The following TRIM36 variants were observed in gnomAD, a reference collection of about 807,000 sequenced individuals.
The protein encoded by TRIM36 is E3 ubiquitin-protein ligase TRIM36.
In TRIM36, 42 loss-of-function variants were observed where a neutral mutation model predicts 72.4. The ratio of observed to expected loss-of-function variants is 0.58; its 90% confidence interval spans 0.45 to 0.75. The LOEUF (loss-of-function observed/expected upper bound fraction) is 0.75. Ranked by LOEUF, TRIM36 falls within the 30% of genes least tolerant of loss-of-function variation. The pLI is 0.00. For missense variants in TRIM36, 913 were observed against 857.1 expected (o/e 1.07, Z -0.81); for synonymous variants, 315 against 282.8 (o/e 1.11, Z -1.14).
At position 115,169,908 on chromosome 5, in the gene TRIM36, C is replaced by G; in HGVS notation, c.-274G>C. 3.1e-6 allele frequency: 4 copies of G among 1,283,930 alleles called. No homozygotes were observed. Among genetic ancestry groups the G allele is most frequent in the Non-Finnish European group, 3.9e-6 (4 of 1,013,862 alleles). The allele number at this position is 1,283,930 out of a possible 1,614,324, so 79.5% of individuals were successfully genotyped here. A position where few individuals can be genotyped will look rare whatever the true frequency, so the allele number is the denominator to read the frequency against. On this transcript the variant is annotated 5_prime_UTR_variant, in exon 1 of 10. Coordinates refer to ENST00000513154, the MANE Select transcript of TRIM36 (RefSeq NM_001300759.2). ...CTGCAGCAGCGGCTCCTGCGGACTGCGGCTGGGAACGGCGCCGCGCAGAGA... is the reference window on the plus strand; with the variant it reads ...CTGCAGCAGCGGCTCCTGCGGACTGGGGCTGGGAACGGCGCCGCGCAGAGA...
intron 2 of TRIM36, among the ~76,000 whole-genome samples, chr5:115,157,902 G>A (rs1444705181): frequency 2.6e-5 from 4 of 152,158 alleles, no homozygotes; most frequent in Non-Finnish European, 5.9e-5. Flanking sequence ...TCATAAGTGG[G>A]AGCTAAGCTA....
intron 1 of TRIM36, 84 bp from the exon 2 acceptor site, chr5:115,163,836 T>A (rs561827193): frequency 1.1e-4 from 109 of 1,033,354 alleles, no homozygotes; most frequent in Non-Finnish European, 1.5e-4. Context: ...AGTACATGTG[T>A]TTATTTTTCC....
At chr5:115,172,004 G>A (rs3792863), upstream of TRIM36, among the ~76,000 whole-genome samples, 48,584 of 151,950 alleles carry the variant, frequency 0.32, 8,098 homozygotes, top group African/African-American at 0.42. Context: ...GACTTTCTAA[G>A]CCTAATTCTT....
At chr5:115,137,310 G>C in intron 6 of TRIM36, 53 bp downstream of exon 6, 2 of 1,555,734 alleles carry the variant, frequency 1.3e-6, no homozygotes, top group Non-Finnish European at 1.7e-6. Flanking sequence ...ATACACAGCA[G>C]CATTTAATAA....
At position 115,163,543 on chromosome 5, in the gene TRIM36, A is replaced by G. The variant is rs1754598064; in HGVS notation, c.237T>C (p.Asp79=). The change falls in exon 2 of 10, where the codon GAT becomes GAC. Residue 79 remains aspartate (D), a synonymous_variant. Coordinates refer to ENST00000513154, the MANE Select transcript of TRIM36 (RefSeq NM_001300759.2). ...CTGGTCTGTTAATTCGGTCAATTTTATCCATACTAGGGGAGGGGAGCCGAA... is the reference window on the plus strand; with the variant it reads ...CTGGTCTGTTAATTCGGTCAATTTTGTCCATACTAGGGGAGGGGAGCCGAA... ...PRLRLPSPSM[D]KIDRINRPGW... The G allele has an allele frequency of 1.2e-6, 2 of 1,614,158 alleles. No individual in the cohort carries two copies. The highest frequency in any genetic ancestry group is 1.7e-6 in the Non-Finnish European group (2 of 1,180,028).
At position 115,152,160 on chromosome 5, in the gene TRIM36, T is replaced by C. The variant is rs115441281; in HGVS notation, c.263-4766A>G. 6.6e-3 allele frequency among the ~76,000 whole-genome samples: 1,010 copies of C among 152,152 alleles called. 19 individuals are homozygous for C. Among genetic ancestry groups the C allele is most frequent in the African/African-American group, 0.022 (902 of 41,510 alleles). On this transcript the variant is annotated intron_variant, in intron 2 of 9. Transcript: ENST00000513154. The stretch of plus-strand genomic sequence containing the variant: ...AGGAAGAAATGTTCAAGGAAATAGA[T>C]AGCATAAATAAAAAACAATGAAAAC...
At chr5:115,175,125 T>C (rs1755276559) in intron 1 of TRIM36, among the ~76,000 whole-genome samples, 1 of 151,432 alleles carries the variant, frequency 6.6e-6, no homozygotes, top group East Asian at 1.9e-4. Flanking sequence ...TTTTAGTATA[T>C]GTTCCAAATA....
intron 5 of TRIM36, among the ~76,000 whole-genome samples, chr5:115,138,119 A>G (rs1753062134): frequency 6.6e-6 from 1 of 152,140 alleles, no homozygotes; most frequent in African/African-American, 2.4e-5. Context: ...TGTTTTTTTG[A>G]GACAGAGTCT....
At chr5:115,172,247 A>T (rs541024983), upstream of TRIM36, among the ~76,000 whole-genome samples, 6 of 152,276 alleles carry the variant, frequency 3.9e-5, no homozygotes, top group African/African-American at 1.4e-4. Context: ...CCTATCAAAA[A>T]TTTTAAATAT....
chr5:115,155,649 T>C (rs1282735872), intron 2 of TRIM36, among the ~76,000 whole-genome samples: 1 of 152,168 alleles, frequency 6.6e-6, no homozygotes, highest in East Asian at 1.9e-4. Flanking sequence ...AAAATCAGCA[T>C]ACAAGGAACA....
chr5:115,150,813 C>G (rs1329330440), intron 2 of TRIM36, among the ~76,000 whole-genome samples: 1 of 152,152 alleles, frequency 6.6e-6, no homozygotes, highest in Non-Finnish European at 1.5e-5. Context: ...TTTGACCTTA[C>G]CTGGAGCTGA....
rs17137483 is a variant in TRIM36 at position 115,134,154 on chromosome 5, G to T, written c.1211-7C>A. On this transcript the variant is annotated splice_polypyrimidine_tract_variant and splice_region_variant and intron_variant, in intron 7 of 9. Coordinates refer to ENST00000513154, the MANE Select transcript of TRIM36 (RefSeq NM_001300759.2). Reference sequence around the variant, plus strand: ...ATCTCTGGCACGTCTATGCCTGAAAGAATTATGAAATAGAAAACAACATTA... The same window carrying T: ...ATCTCTGGCACGTCTATGCCTGAAATAATTATGAAATAGAAAACAACATTA... The T allele has an allele frequency of 2.6e-6, 4 of 1,534,506 alleles. No individual in the cohort carries two copies. In the African/African-American group the frequency reaches 5.6e-5, roughly 21 times the overall value.
intron 4 of TRIM36, among the ~76,000 whole-genome samples, chr5:115,143,773 G>A (rs6594877): frequency 0.52 from 78,979 of 152,080 alleles, 22,337 homozygotes; most frequent in African/African-American, 0.75. Flanking sequence ...AGAATAAAAC[G>A]AAAAGATAGT....
intron 2 of TRIM36, among the ~76,000 whole-genome samples, chr5:115,159,910 CTATATAGATTTGTAT>C (rs1219607621): frequency 1.3e-5 from 2 of 150,940 alleles, no homozygotes; most frequent in African/African-American, 4.9e-5. Flanking sequence ...ATACTTTGTT[CTATATAGATTTGTAT>C]TTTTAAACAA....
chr5:115,147,683 C>T (rs1348317357), intron 2 of TRIM36, among the ~76,000 whole-genome samples: 3 of 152,068 alleles, frequency 2.0e-5, no homozygotes, highest in East Asian at 1.9e-4. Flanking sequence ...AGATAAAACA[C>T]GTAATACAAT....
chr5:115,126,613 C>G lies in TRIM36; in HGVS notation c.2041G>C (p.Val681Leu), dbSNP rs147660217. 42 of 1,614,062 alleles carry G rather than the reference C, an allele frequency of 2.6e-5. No individual in the cohort carries two copies. The Admixed American group carries it at 3.3e-4, about 13-fold the overall frequency. The change falls in exon 10 of 10, where the codon GTG (valine) becomes CTG (leucine). Residue 681 changes from valine (V) to leucine (L), a missense_variant. Coordinates refer to ENST00000513154, the MANE Select transcript of TRIM36 (RefSeq NM_001300759.2). Reference sequence around the variant, plus strand: ...GGATACAGTGTATGTGAACAGTCCACTTGGCGTTCATAAAGGCATTTCATC... The same window carrying G: ...GGATACAGTGTATGTGAACAGTCCAGTTGGCGTTCATAAAGGCATTTCATC... The part of the protein sequence containing the change: ...DQMKCLYERQ[V>L]DCSHTLYPAF...
chr5:115,147,124 C>T lies in TRIM36; in HGVS notation c.533G>A (p.Gly178Asp). 6.2e-7 allele frequency: 1 copy of T among 1,614,152 alleles called. No homozygotes were observed. Among genetic ancestry groups the T allele is most frequent in the Non-Finnish European group, 8.5e-7 (1 of 1,180,028 alleles). ...NECFKIHHPW[G>D]TIKAQHEYVG... ...ATACTCATGTTGAGCTTTTATAGTA[C>T]CCCAAGGGTGATGAATTTTGAAGCA... Residue 178 changes from glycine to aspartate, a missense_variant, in exon 3 of 10, where the codon GGT becomes GAT. Physicochemically the swap from Gly to Asp is moderately conservative, Grantham distance 94 (BLOSUM62 -1). Coordinates refer to ENST00000513154, the MANE Select transcript of TRIM36 (RefSeq NM_001300759.2).
chr5:115,143,737 T>C (rs1027118957), intron 4 of TRIM36, among the ~76,000 whole-genome samples: 2 of 152,220 alleles, frequency 1.3e-5, no homozygotes, highest in African/African-American at 4.8e-5. Flanking sequence ...GATGATTTCT[T>C]TTAAAAATAT....
At chr5:115,169,556 G>T (rs527852354) in intron 1 of TRIM36, 52 bp downstream of exon 1, 6 of 1,486,422 alleles carry the variant, frequency 4.0e-6, no homozygotes, top group Admixed American at 4.3e-5. Context: ...AGAAAGAGCC[G>T]CGGTCGGCAC....
Sources: gnomAD v4.1 joint callset for allele counts (sites outside exome capture counted in the v4.1 genomes callset) on GRCh38, gnomAD v4.1.1 for gene constraint, MANE v1.5 for transcripts, NCBI Gene and HGNC (gene_info 2026-07-23, HGNC 2026-07-21) for gene names.